ZNF804B: variants seen among roughly 807,000 people sequenced by gnomAD.
ZNF804B encodes the protein zinc finger protein 804B, also known as zinc finger 804B.
Under a neutral mutation model 101.4 loss-of-function variants are expected in ZNF804B, and 80 were observed. That is an observed-to-expected ratio of 0.79 (90% confidence interval 0.66 to 0.95). ZNF804B has a LOEUF of 0.95. Ranked by LOEUF, ZNF804B falls within the 40% of genes least tolerant of loss-of-function variation. ZNF804B has a pLI of 0.00. For missense variants in ZNF804B, 1,673 were observed against 1,561.9 expected (o/e 1.07, Z -1.20); for synonymous variants, 622 against 558.8 (o/e 1.11, Z -1.59).
At chr7:89,143,781 G>A (rs1790749907) in intron 1 of ZNF804B, among the ~76,000 whole-genome samples, 1 of 151,920 alleles carries the variant, frequency 6.6e-6, no homozygotes, top group South Asian at 2.1e-4. Flanking sequence ...GCTATAACAA[G>A]TAAGTATGAG....
At chr7:89,112,843 A>G (rs545572416) in intron 1 of ZNF804B, among the ~76,000 whole-genome samples, 2 of 152,344 alleles carry the variant, frequency 1.3e-5, no homozygotes, top group East Asian at 3.9e-4. Flanking sequence ...AGTTGGGTAT[A>G]AACGGAGGTA....
intron 1 of ZNF804B, among the ~76,000 whole-genome samples, chr7:88,879,352 A>C (rs1448847444): frequency 6.6e-6 from 1 of 152,234 alleles, no homozygotes; most frequent in Admixed American, 6.5e-5. Flanking sequence ...TTATGCACAA[A>C]GTATAGAAAG....
At chr7:89,114,428 G>A (rs1790277068) in intron 1 of ZNF804B, among the ~76,000 whole-genome samples, 1 of 152,134 alleles carries the variant, frequency 6.6e-6, no homozygotes, top group Non-Finnish European at 1.5e-5. Flanking sequence ...TGAGAATAAT[G>A]ACAATGCAGA....
intron 2 of ZNF804B, among the ~76,000 whole-genome samples, chr7:89,293,407 A>G (rs10250248): frequency 0.23 from 35,266 of 152,052 alleles, 4,421 homozygotes; most frequent in Admixed American, 0.28. Flanking sequence ...AATTAAAAAT[A>G]AAATAAAAGT....
chr7:89,193,226 C>T (rs971261061), intron 1 of ZNF804B, among the ~76,000 whole-genome samples: 2 of 150,412 alleles, frequency 1.3e-5, no homozygotes, highest in Non-Finnish European at 1.5e-5. Flanking sequence ...TTGCAAATAA[C>T]ATGATCCTAT....
At chr7:89,333,228 C>T in intron 3 of ZNF804B, 135 bp from the exon 4 acceptor site, 1 of 877,598 alleles carries the variant, frequency 1.1e-6, no homozygotes, top group Non-Finnish European at 1.6e-6. Context: ...ATAAGGACAA[C>T]AAAAGGTTAT....
intron 1 of ZNF804B, among the ~76,000 whole-genome samples, chr7:88,879,324 TA>T (rs546972679): frequency 2.0e-5 from 3 of 151,698 alleles, no homozygotes; most frequent in Non-Finnish European, 4.4e-5. Context: ...TGCTGGGGAG[TA>T]AAAAAAATCT....
intron 2 of ZNF804B, among the ~76,000 whole-genome samples, chr7:89,294,822 T>C (rs1790354636): frequency 6.6e-6 from 1 of 152,250 alleles, no homozygotes; most frequent in East Asian, 1.9e-4. Flanking sequence ...TTTAGCTCCA[T>C]TCATTCTGAC....
chr7:88,993,529 C>T (rs1487444635), intron 1 of ZNF804B, among the ~76,000 whole-genome samples: 2 of 151,882 alleles, frequency 1.3e-5, no homozygotes, highest in East Asian at 3.9e-4. Flanking sequence ...GTCAATGACC[C>T]AAAAAGAATA....
At chr7:89,170,835 T>A (rs1229207583) in intron 1 of ZNF804B, among the ~76,000 whole-genome samples, 1 of 152,236 alleles carries the variant, frequency 6.6e-6, no homozygotes, top group Non-Finnish European at 1.5e-5. Flanking sequence ...TTTCCCAAGT[T>A]ATCTCTGTTC....
chr7:88,842,111 C>T (rs1183507879), intron 1 of ZNF804B, among the ~76,000 whole-genome samples: 1 of 152,080 alleles, frequency 6.6e-6, no homozygotes, highest in Non-Finnish European at 1.5e-5. Flanking sequence ...ATATTCTGGT[C>T]TAAATCCATC....
chr7:88,918,836 T>C (rs1305292763), intron 1 of ZNF804B, among the ~76,000 whole-genome samples: 1 of 152,120 alleles, frequency 6.6e-6, no homozygotes, highest in Non-Finnish European at 1.5e-5. Context: ...CCTGTGAGCT[T>C]GGATGTATAC....
intron 1 of ZNF804B, among the ~76,000 whole-genome samples, chr7:88,993,822 A>G (rs1336982667): frequency 1.3e-5 from 2 of 151,986 alleles, no homozygotes; most frequent in Admixed American, 6.6e-5. Context: ...TTCTTATTAT[A>G]AAACTGGTCA....
intron 1 of ZNF804B, among the ~76,000 whole-genome samples, chr7:88,885,857 T>A (rs1033122734): frequency 6.6e-6 from 1 of 151,966 alleles, no homozygotes; most frequent in Non-Finnish European, 1.5e-5. Context: ...AATAAAATAA[T>A]GCATTATTAG....
chr7:89,333,522 A>G lies in ZNF804B; in HGVS notation c.540A>G (p.Lys180=). The change falls in exon 4 of 4, where the codon AAA becomes AAG. Residue 180 remains lysine, a synonymous_variant. Transcript: ENST00000333190. The part of the protein sequence containing the change: ...GKNLPRIISD[K]QRSTMPNRHQ... ...ATCTCCCCAGAATCATATCCGATAAACAGCGGTCCACCATGCCAAATCGAC... is the reference window on the plus strand; with the variant it reads ...ATCTCCCCAGAATCATATCCGATAAGCAGCGGTCCACCATGCCAAATCGAC... 6.2e-7 allele frequency: 1 copy of G among 1,613,506 alleles called. No homozygotes were observed. Among genetic ancestry groups the G allele is most frequent in the South Asian group, 1.1e-5 (1 of 91,068 alleles).
chr7:88,951,660 A>G (rs1443699265), intron 1 of ZNF804B, among the ~76,000 whole-genome samples: 1 of 151,912 alleles, frequency 6.6e-6, no homozygotes, highest in Non-Finnish European at 1.5e-5. Flanking sequence ...GGAAAAATAT[A>G]GATTTCTATA....
intron 2 of ZNF804B, among the ~76,000 whole-genome samples, chr7:89,279,595 A>C (rs1418979396): frequency 6.6e-6 from 1 of 152,144 alleles, no homozygotes; most frequent in Non-Finnish European, 1.5e-5. Context: ...CCTTTTCTGC[A>C]TCTATTGAGA....
chr7:89,246,961 C>T (rs560053993), intron 2 of ZNF804B, among the ~76,000 whole-genome samples: 1 of 152,226 alleles, frequency 6.6e-6, no homozygotes, highest in South Asian at 2.1e-4. Context: ...TTGCCTGGTT[C>T]AGCAGCCTGA....
chr7:89,278,672 G>A (rs1164063838), intron 2 of ZNF804B, among the ~76,000 whole-genome samples: 13 of 150,160 alleles, frequency 8.7e-5, no homozygotes, highest in African/African-American at 1.2e-4. Flanking sequence ...GATATGTGGC[G>A]TTATTTCTGA....
Sources: gnomAD v4.1 joint callset for allele counts (sites outside exome capture counted in the v4.1 genomes callset) on GRCh38, gnomAD v4.1.1 for gene constraint, MANE v1.5 for transcripts, NCBI Gene and HGNC (gene_info 2026-07-23, HGNC 2026-07-21) for gene names.